CTNNA2: variants seen among roughly 807,000 people sequenced by gnomAD.
CTNNA2 encodes the protein catenin alpha 2.
In CTNNA2, 42 loss-of-function variants were observed where a neutral mutation model predicts 101.0. That is an observed-to-expected ratio of 0.42 (90% confidence interval 0.32 to 0.54). The LOEUF (loss-of-function observed/expected upper bound fraction) is 0.54. CTNNA2 is among the 20% of genes least tolerant of loss of function. The probability of loss-of-function intolerance (pLI) is 0.14; values close to 1 mark genes in which losing one functional copy is unlikely to be tolerated. For synonymous variants in CTNNA2, 450 were observed against 456.4 expected, an observed-to-expected ratio of 0.99 and a Z score of 0.18; for missense variants, 871 against 1,223.1, an observed-to-expected ratio of 0.71 and a Z score of 4.29.
chr2:80,054,333 T>G (rs1295931100), intron 7 of CTNNA2, among the ~76,000 whole-genome samples: 1 of 152,184 alleles, frequency 6.6e-6, no homozygotes, highest in Admixed American at 6.5e-5. Flanking sequence ...GTCAAAACTA[T>G]GTAGGAGTGA....
chr2:79,254,134 G>T (rs1674809217), intron 2 of CTNNA2, among the ~76,000 whole-genome samples: 1 of 152,306 alleles, frequency 6.6e-6, no homozygotes, highest in Middle Eastern at 3.4e-3. Flanking sequence ...ATGGTACCTT[G>T]CAAACCAGGA....
chr2:80,266,960 G>C (rs1673045965), intron 7 of CTNNA2, among the ~76,000 whole-genome samples: 1 of 152,110 alleles, frequency 6.6e-6, no homozygotes, highest in South Asian at 2.1e-4. Flanking sequence ...AATTTCTTCT[G>C]CATCTAGAAT....
chr2:80,310,119 A>G (rs1466285115), intron 7 of CTNNA2, among the ~76,000 whole-genome samples: 1 of 152,214 alleles, frequency 6.6e-6, no homozygotes, highest in Non-Finnish European at 1.5e-5. Context: ...ATAAAAACCC[A>G]GATATCATTG....
intron 1 of CTNNA2, among the ~76,000 whole-genome samples, chr2:79,624,135 G>C (rs995733032): frequency 3.9e-5 from 6 of 152,032 alleles, no homozygotes; most frequent in Non-Finnish European, 8.8e-5. Flanking sequence ...AAATATGAGA[G>C]AAACTCTGGG....
chr2:80,403,324 A>G (rs1016269500), intron 8 of CTNNA2, among the ~76,000 whole-genome samples: 28 of 152,202 alleles, frequency 1.8e-4, no homozygotes, highest in African/African-American at 5.5e-4. Context: ...GCAAAGTCTC[A>G]ATGTCAGATG....
At chr2:80,600,601 T>C (rs2149765748) in intron 15 of CTNNA2, among the ~76,000 whole-genome samples, 1 of 152,220 alleles carries the variant, frequency 6.6e-6, no homozygotes, top group African/African-American at 2.4e-5. Flanking sequence ...AGAGACTCAG[T>C]CTCCTCTGTC....
At chr2:79,624,654 A>G (rs1477610321) in intron 1 of CTNNA2, among the ~76,000 whole-genome samples, 2 of 152,212 alleles carry the variant, frequency 1.3e-5, no homozygotes, top group Non-Finnish European at 2.9e-5. Flanking sequence ...AGTTAATTCA[A>G]TCAATATTGA....
intron 7 of CTNNA2, among the ~76,000 whole-genome samples, chr2:80,039,344 T>A (rs1695881778): frequency 6.6e-6 from 1 of 152,090 alleles, no homozygotes; most frequent in African/African-American, 2.4e-5. Context: ...CTAGAATGAT[T>A]TTACTTTGGC....
intron 2 of CTNNA2, among the ~76,000 whole-genome samples, chr2:79,678,247 G>A (rs79326242): frequency 0.049 from 7,420 of 152,124 alleles, 611 homozygotes; most frequent in African/African-American, 0.17. Flanking sequence ...AAGGTAAAAG[G>A]TCTCTATCCC....
At chr2:80,561,827 A>ATTTTTTTTTTTTT (rs368503035) in intron 12 of CTNNA2, among the ~76,000 whole-genome samples, 4 of 123,578 alleles carry the variant, frequency 3.2e-5, no homozygotes, top group African/African-American at 6.1e-5. Context: ...CGCCTGGCTA[A>ATTTTTTTTTTTTT]TTTTTTTTTT....
intron 4 of CTNNA2, among the ~76,000 whole-genome samples, chr2:79,858,554 C>T (rs1290394888): frequency 6.6e-6 from 1 of 152,154 alleles, no homozygotes; most frequent in African/African-American, 2.4e-5. Flanking sequence ...TTGGGGTCAG[C>T]TCTGCTGAGC....
chr2:80,645,820 G>A (rs1303597818), intron 18 of CTNNA2, among the ~76,000 whole-genome samples: 1 of 152,008 alleles, frequency 6.6e-6, no homozygotes, highest in African/African-American at 2.4e-5. Context: ...ATTTTGTATG[G>A]CATAATAGAA....
chr2:80,106,955 A>C (rs1700926491), intron 7 of CTNNA2, among the ~76,000 whole-genome samples: 1 of 152,110 alleles, frequency 6.6e-6, no homozygotes, highest in African/African-American at 2.4e-5. Context: ...ACTGGTGTAA[A>C]AGCTGTGCTG....
chr2:80,070,816 CCTTT>C (rs1698293145), intron 7 of CTNNA2, among the ~76,000 whole-genome samples: 1 of 152,110 alleles, frequency 6.6e-6, no homozygotes, highest in Non-Finnish European at 1.5e-5. Context: ...AATCTCATCT[CCTTT>C]CTTCTTCCAG....
chr2:79,565,832 G>C (rs189583389), intron 1 of CTNNA2, among the ~76,000 whole-genome samples: 57 of 152,142 alleles, frequency 3.7e-4, no homozygotes, highest in Middle Eastern at 6.8e-3. Flanking sequence ...GCTCAGTGGA[G>C]AGATCTCTGC....
intron 3 of CTNNA2, among the ~76,000 whole-genome samples, chr2:79,355,583 G>A (rs893753025): frequency 2.6e-5 from 4 of 152,118 alleles, no homozygotes; most frequent in African/African-American, 9.7e-5. Context: ...ACCCAGTACA[G>A]ACTAAACCAT....
chr2:80,170,048 G>A (rs914565697), intron 7 of CTNNA2, among the ~76,000 whole-genome samples: 3 of 152,144 alleles, frequency 2.0e-5, no homozygotes, highest in African/African-American at 7.2e-5. Flanking sequence ...AATTGTTTCC[G>A]TTTATCAAGT....
intron 7 of CTNNA2, among the ~76,000 whole-genome samples, chr2:80,066,606 G>A (rs886250605): frequency 5.9e-5 from 9 of 152,142 alleles, no homozygotes; most frequent in African/African-American, 2.2e-4. Flanking sequence ...ATGAGGATTT[G>A]GAGAAAAGGG....
At position 79,266,511 on chromosome 2, in the gene CTNNA2, A is replaced by G. The variant is rs541158530; in HGVS notation, c.-405-46198A>G. On this transcript the variant is annotated intron_variant, in intron 2 of 21. Transcript: ENST00000466387. ...CCCATGTAAAACACCTGACTCAAAT[A>G]TTTCTCTCACTTCTGGGAGTACCCA... 5.3e-5 allele frequency among the ~76,000 whole-genome samples: 8 copies of G among 152,274 alleles called. No homozygotes were observed. The East Asian group carries it at 1.5e-3, about 29-fold the overall frequency.
Sources: gnomAD v4.1 joint callset for allele counts (sites outside exome capture counted in the v4.1 genomes callset) on GRCh38, gnomAD v4.1.1 for gene constraint, MANE v1.5 for transcripts, NCBI Gene and HGNC (gene_info 2026-07-23, HGNC 2026-07-21) for gene names.